Variants in CLEC4F observed in about 807,000 individuals in gnomAD.
CLEC4F encodes the protein C-type lectin domain family 4 member F.
CLEC4F carries 45 observed loss-of-function variants against 53.4 expected under a neutral mutation model. The ratio of observed to expected loss-of-function variants is 0.84; its 90% CI spans 0.66 to 1.08. CLEC4F has a LOEUF of 1.08. CLEC4F is among the 50% of genes least tolerant of loss of function. The probability of loss-of-function intolerance (pLI) is 0.00; values close to 1 mark genes in which losing one functional copy is unlikely to be tolerated. For synonymous variants in CLEC4F, 245 were observed against 257.5 expected, an observed-to-expected ratio of 0.95 and a Z score of 0.46; for missense variants, 753 against 698.2, an observed-to-expected ratio of 1.08 and a Z score of -0.88.
intron 5 of CLEC4F, chr2:70,810,995 G>A (rs372652669): frequency 2.4e-5 from 14 of 588,934 alleles, no homozygotes; most frequent in African/African-American, 1.5e-4. Context: ...TAAATTCTAC[G>A]GCATACTGAT....
chr2:70,815,542 T>A (rs1446551770), intron 4 of CLEC4F, among the ~76,000 whole-genome samples: 1 of 152,218 alleles, frequency 6.6e-6, no homozygotes, highest in Non-Finnish European at 1.5e-5. Context: ...GGTGAGGGCA[T>A]GAATGCTAGG....
chr2:70,809,107 A>C lies in CLEC4F; in HGVS notation c.*164T>G, dbSNP rs1553393403. On this transcript the variant is annotated 3_prime_UTR_variant, in exon 7 of 7. Coordinates refer to ENST00000272367, the MANE Select transcript of CLEC4F (RefSeq NM_173535.3). Reference sequence around the variant, plus strand: ...GAAGACAACAGGGCTTTATACTGTTAGATGAAGGCAGCATCCCTTCCTGGT... The same window carrying C: ...GAAGACAACAGGGCTTTATACTGTTCGATGAAGGCAGCATCCCTTCCTGGT... 1 of 1,550,256 alleles carries C rather than the reference A, an allele frequency of 6.5e-7. No homozygotes were observed. The highest frequency in any genetic ancestry group is 8.7e-7 in the Non-Finnish European group (1 of 1,147,020).
In CLEC4F at chr2:70,816,052, ACTCTGCTCCTGC is replaced by A. The variant is rs1676880725; in HGVS notation, c.1317_1328del (p.Gln439_Ser443delinsHis). ...TGACCACATGGAGGGTCTTCAGGCG[ACTCTGCTCCTGC>A]TGGATTTCCATGGTTAGAGCTTTGG... On this transcript the variant is annotated inframe_deletion, in exon 4 of 7. Coordinates refer to ENST00000272367, the MANE Select transcript of CLEC4F (RefSeq NM_173535.3). 10 of 1,613,496 alleles carry A rather than the reference ACTCTGCTCCTGC, an allele frequency of 6.2e-6. No homozygotes were observed. The highest frequency in any genetic ancestry group is 7.6e-6 in the Non-Finnish European group (9 of 1,179,880).
intron 4 of CLEC4F, among the ~76,000 whole-genome samples, chr2:70,814,882 A>G (rs1306578398): frequency 2.0e-5 from 3 of 150,610 alleles, no homozygotes; most frequent in South Asian, 2.1e-4. Flanking sequence ...GTCCCCAGGC[A>G]TCAGTATTTT....
upstream of CLEC4F, among the ~76,000 whole-genome samples, chr2:70,823,528 A>G (rs563289387): frequency 2.0e-5 from 3 of 152,304 alleles, no homozygotes; most frequent in African/African-American, 7.2e-5. Context: ...GCAGAACTCT[A>G]CGGATCCCTT....
At chr2:70,811,571 G>A (rs1480978601) in intron 5 of CLEC4F, 1 of 330,270 alleles carries the variant, frequency 3.0e-6, no homozygotes, top group South Asian at 2.8e-5. Flanking sequence ...CGAGCCAACA[G>A]GGGGGTAGGC....
upstream of CLEC4F, among the ~76,000 whole-genome samples, chr2:70,822,363 C>G (rs1343009314): frequency 6.6e-6 from 1 of 152,200 alleles, no homozygotes; most frequent in African/African-American, 2.4e-5. Context: ...AAGACTAACT[C>G]CAAAGAATCT....
chr2:70,812,378 G>A (rs1391164406), intron 5 of CLEC4F, 69 bp downstream of exon 5: 3 of 1,568,304 alleles, frequency 1.9e-6, no homozygotes, highest in East Asian at 2.2e-5. Context: ...AGAGCAGGAA[G>A]GCCAAAACAC....
intron 4 of CLEC4F, 105 bp from the exon 5 acceptor site, chr2:70,812,703 C>T: frequency 3.4e-6 from 4 of 1,186,072 alleles, no homozygotes; most frequent in East Asian, 2.3e-5. Flanking sequence ...GTTCACAAGC[C>T]CATGAAATTC....
rs1676966517 is a variant in CLEC4F, at chr2:70,817,090, C to T, written c.291G>A (p.Glu97=). 1 of 1,609,406 alleles carries T rather than the reference C, an allele frequency of 6.2e-7. No individual in the cohort carries two copies. Among genetic ancestry groups the T allele is most frequent in the Admixed American group, 1.7e-5 (1 of 59,978 alleles). ...TCTGGATAAGCTCTCGCATTTCTGC[C>T]TCCCTGCCAAAGTGGTGATGATCTG... The part of the protein sequence containing the change: ...EPNNHHHFGR[E]AEMRELIQTF... The change falls in exon 4 of 7, where the codon GAG becomes GAA. Residue 97 remains glutamate, a synonymous_variant. Transcript: ENST00000272367.
At position 70,809,036 on chromosome 2, in the gene CLEC4F, C is replaced by A; in HGVS notation, c.*235G>T. The A allele has an allele frequency of 6.7e-7, 1 of 1,502,470 alleles. No homozygotes were observed. The highest frequency in any genetic ancestry group is 1.2e-5 in the South Asian group (1 of 83,170). The allele number at this position is 1,502,470 out of a possible 1,614,324, so 93.1% of individuals were successfully genotyped here. A position where few individuals can be genotyped will look rare whatever the true frequency, so the allele number is the denominator to read the frequency against. Reference sequence around the variant, plus strand: ...ATTTGGACACAGTCTTCAGTCTGCCCATTCTTGTGCCGCCAGTTGTCAGAC... The same window carrying A: ...ATTTGGACACAGTCTTCAGTCTGCCAATTCTTGTGCCGCCAGTTGTCAGAC... On this transcript the variant is annotated 3_prime_UTR_variant, in exon 7 of 7. Transcript: ENST00000272367.
intron 5 of CLEC4F, among the ~76,000 whole-genome samples, chr2:70,810,116 T>G (rs1316798731): frequency 2.7e-5 from 4 of 150,938 alleles, no homozygotes; most frequent in African/African-American, 9.7e-5. Flanking sequence ...AAATGGCTTG[T>G]GTGAAACCTC....
At chr2:70,809,413 G>T in intron 6 of CLEC4F, 31 bp from the exon 7 acceptor site, 1 of 1,571,752 alleles carries the variant, frequency 6.4e-7, no homozygotes, top group South Asian at 1.2e-5. Flanking sequence ...AAAACAGAAA[G>T]ACCCACTCAC....
chr2:70,824,626 A>AAAAAAAAAAAAC (rs1677304430), upstream of CLEC4F, among the ~76,000 whole-genome samples: 1 of 147,966 alleles, frequency 6.8e-6, no homozygotes, highest in Non-Finnish European at 1.5e-5. Flanking sequence ...AGTTACCAAA[A>AAAAAAAAAAAAC]AAAAAAAAAA....
chr2:70,824,473 C>A (rs72907990), upstream of CLEC4F, among the ~76,000 whole-genome samples: 91,189 of 151,036 alleles, frequency 0.6, 28,007 homozygotes, highest in Middle Eastern at 0.7. Context: ...GCCACACAGC[C>A]CCCAGGTTTT....
At chr2:70,813,319 G>A (rs1012467858) in intron 4 of CLEC4F, among the ~76,000 whole-genome samples, 2 of 152,176 alleles carry the variant, frequency 1.3e-5, no homozygotes. Context: ...GGAACTTAGA[G>A]CCTAATAAAT....
rs782476288 is a variant in CLEC4F at position 70,809,325 on chromosome 2, C to T, written c.1716G>A (p.Met572Ile). ...GGGTGTCTATGAAGCTGCAAGCTCC[C>T]ATCCCAGAATTCACAATAATATACT... ...LRKYIIVNSG[M>I]GACSFIDTPP... The change falls in exon 7 of 7, where the codon ATG becomes ATA. Residue 572 changes from methionine to isoleucine, a missense_variant. Met to Ile is a conservative substitution (Grantham distance 10). Transcript: ENST00000272367. 2 of 1,613,814 alleles carry T rather than the reference C, an allele frequency of 1.2e-6. No individual in the cohort carries two copies. Among genetic ancestry groups the T allele is most frequent in the Non-Finnish European group, 1.7e-6 (2 of 1,179,990 alleles).
chr2:70,815,935 G>T, intron 4 of CLEC4F, 59 bp downstream of exon 4: 6 of 1,509,532 alleles, frequency 4.0e-6, no homozygotes, highest in Non-Finnish European at 5.3e-6. Flanking sequence ...TGAGATGGAA[G>T]ACTCTACCCT....
Position 70,816,517 on chromosome 2 carries a change from T to C in CLEC4F, c.864A>G (p.Leu288=). The C allele has an allele frequency of 6.8e-6, 11 of 1,614,166 alleles. No homozygotes were observed. Among genetic ancestry groups the C allele is most frequent in the Non-Finnish European group, 9.3e-6 (11 of 1,180,030 alleles). Residue 288 remains leucine, a synonymous_variant, in exon 4 of 7, where the codon CTA becomes CTG. Transcript: ENST00000272367. Reference sequence around the variant, plus strand: ...CATTTGTGTTCTGCAAATTTTCCTTTAGTCCCTGGATCTCAGCATTGGCTC... The same window carrying C: ...CATTTGTGTTCTGCAAATTTTCCTTCAGTCCCTGGATCTCAGCATTGGCTC... ...LEGANAEIQG[L]KENLQNTNAL... is the part of the protein sequence containing the mutation.
Sources: allele counts gnomAD v4.1 joint callset (sites outside exome capture counted in the v4.1 genomes callset), GRCh38; gene constraint gnomAD v4.1.1; transcripts MANE v1.5; gene names NCBI Gene and HGNC (gene_info 2026-07-23, HGNC 2026-07-21).